LEKR1: variants seen among roughly 807,000 people sequenced by gnomAD.
The protein encoded by LEKR1 is protein LEKR1.
A neutral mutation model predicts 72.4 loss-of-function variants in LEKR1; 59 were observed. The ratio of observed to expected loss-of-function variants is 0.82; its 90% CI spans 0.66 to 1.01. LEKR1 has a LOEUF of 1.01. LEKR1 is among the 50% of genes least tolerant of loss of function. The probability of loss-of-function intolerance (pLI) is 0.00; values close to 1 mark genes in which losing one functional copy is unlikely to be tolerated. For synonymous variants in LEKR1, 257 were observed against 263.2 expected, an observed-to-expected ratio of 0.98 and a Z score of 0.23; for missense variants, 728 against 759.2, an observed-to-expected ratio of 0.96 and a Z score of 0.48.
At chr3:156,991,643 T>A (rs1188824781) in intron 7 of LEKR1, among the ~76,000 whole-genome samples, 2 of 152,196 alleles carry the variant, frequency 1.3e-5, no homozygotes, top group African/African-American at 4.8e-5. Flanking sequence ...GGCAAAGTTT[T>A]CTTTCAGTTT....
At chr3:156,860,762 G>A (rs1008364666) in intron 3 of LEKR1, among the ~76,000 whole-genome samples, 3 of 152,120 alleles carry the variant, frequency 2.0e-5, no homozygotes, top group Admixed American at 2.0e-4. Context: ...ATGGACAAAG[G>A]TTTATTTCTT....
intron 3 of LEKR1, among the ~76,000 whole-genome samples, chr3:156,883,192 T>G (rs1361350261): frequency 6.6e-6 from 1 of 150,844 alleles, no homozygotes; most frequent in African/African-American, 2.4e-5. Flanking sequence ...AAGATTTGAC[T>G]GCCCCACTTG....
chr3:156,858,035 C>G (rs942057933), intron 3 of LEKR1, among the ~76,000 whole-genome samples: 1 of 152,188 alleles, frequency 6.6e-6, no homozygotes, highest in African/African-American at 2.4e-5. Context: ...TATGTTTCCT[C>G]TGTAATTATT....
At chr3:156,930,703 G>A (rs1725151005) in intron 5 of LEKR1, among the ~76,000 whole-genome samples, 1 of 152,090 alleles carries the variant, frequency 6.6e-6, no homozygotes, top group Non-Finnish European at 1.5e-5. Flanking sequence ...AATCAGTATA[G>A]TGCTGGCATA....
intron 9 of LEKR1, among the ~76,000 whole-genome samples, chr3:157,005,809 A>G (rs756282739): frequency 1.3e-5 from 2 of 152,196 alleles, no homozygotes; most frequent in Non-Finnish European, 2.9e-5. Flanking sequence ...GAGTTTTTCT[A>G]TAATATACAA....
At chr3:156,914,829 G>A (rs559523183) in intron 3 of LEKR1, among the ~76,000 whole-genome samples, 3 of 152,118 alleles carry the variant, frequency 2.0e-5, no homozygotes, top group Admixed American at 1.3e-4. Context: ...ACATGTACAG[G>A]TTTGTTATAT....
At chr3:156,874,542 T>C (rs78460534) in intron 3 of LEKR1, among the ~76,000 whole-genome samples, 2 of 38,370 alleles carry the variant, frequency 5.2e-5, no homozygotes, top group Admixed American at 5.1e-4. Flanking sequence ...TTTAAAAAAC[T>C]TTTTTTTTTC....
intron 2 of LEKR1, among the ~76,000 whole-genome samples, chr3:156,850,808 C>T (rs1396913965): frequency 6.7e-6 from 1 of 150,256 alleles, no homozygotes; most frequent in Admixed American, 6.6e-5. Flanking sequence ...AACATAGCAG[C>T]CAGGGCTGCT....
chr3:156,990,706 T>C (rs979073607), intron 7 of LEKR1, among the ~76,000 whole-genome samples: 2 of 152,206 alleles, frequency 1.3e-5, no homozygotes, highest in Non-Finnish European at 2.9e-5. Flanking sequence ...TTGTTCTAGG[T>C]TTAGTAAGTA....
At chr3:156,835,297 C>T (rs1029611535) in intron 2 of LEKR1, among the ~76,000 whole-genome samples, 48 of 152,276 alleles carry the variant, frequency 3.2e-4, no homozygotes, top group African/African-American at 1.1e-3. Flanking sequence ...GCACCCTTAC[C>T]AATGGGGGTT....
chr3:156,996,421 T>C (rs1046025227), intron 9 of LEKR1, among the ~76,000 whole-genome samples: 3 of 152,096 alleles, frequency 2.0e-5, no homozygotes, highest in Non-Finnish European at 2.9e-5. Flanking sequence ...GCATAGTAAG[T>C]GTGAGTGATG....
intron 2 of LEKR1, among the ~76,000 whole-genome samples, chr3:156,838,893 A>C (rs776545707): frequency 5.9e-5 from 9 of 152,216 alleles, no homozygotes; most frequent in Non-Finnish European, 1.2e-4. Context: ...CAAGCCACTG[A>C]GACCAAGCCA....
chr3:156,897,498 A>G (rs554366325), intron 3 of LEKR1, among the ~76,000 whole-genome samples: 1 of 150,530 alleles, frequency 6.6e-6, no homozygotes, highest in South Asian at 2.1e-4. Context: ...TAAGAAATAC[A>G]CTGGGTTGGT....
At chr3:156,857,970 C>T (rs1716278135) in intron 3 of LEKR1, among the ~76,000 whole-genome samples, 1 of 152,122 alleles carries the variant, frequency 6.6e-6, no homozygotes, top group Non-Finnish European at 1.5e-5. Flanking sequence ...TTTGGTAGAT[C>T]TTCATTAAAA....
At chr3:156,974,711 C>A (rs779180621) in intron 6 of LEKR1, among the ~76,000 whole-genome samples, 13 of 151,972 alleles carry the variant, frequency 8.6e-5, no homozygotes, top group Non-Finnish European at 1.3e-4. Context: ...CAGCAACGCC[C>A]CCCTCTAATT....
chr3:156,951,876 T>G, intron 6 of LEKR1, among the ~76,000 whole-genome samples: 1 of 151,646 alleles, frequency 6.6e-6, no homozygotes, highest in East Asian at 1.9e-4. Flanking sequence ...TTTTGGTTAT[T>G]TCTTGTATTT....
chr3:157,027,443 C>T (rs144117289), intron 11 of LEKR1, among the ~76,000 whole-genome samples: 202 of 152,238 alleles, frequency 1.3e-3, no homozygotes, highest in African/African-American at 4.7e-3. Context: ...CTCCTCCTTG[C>T]ATTCCCCCAA....
intron 6 of LEKR1, among the ~76,000 whole-genome samples, chr3:156,967,965 A>G (rs1338945143): frequency 6.6e-6 from 1 of 152,216 alleles, no homozygotes; most frequent in Non-Finnish European, 1.5e-5. Context: ...AGGCGGGGCC[A>G]ATATTCAACA....
intron 7 of LEKR1, among the ~76,000 whole-genome samples, chr3:156,990,888 T>C (rs1298126065): frequency 6.6e-6 from 1 of 152,202 alleles, no homozygotes; most frequent in East Asian, 1.9e-4. Context: ...GGAATGGTGA[T>C]AGAAGCCCAG....
Sources: gnomAD v4.1 joint callset for allele counts (sites outside exome capture counted in the v4.1 genomes callset) on GRCh38, gnomAD v4.1.1 for gene constraint, MANE v1.5 for transcripts, NCBI Gene and HGNC (gene_info 2026-07-23, HGNC 2026-07-21) for gene names.